The following ZBTB16 variants were observed in gnomAD, a reference collection of about 807,000 sequenced individuals.
The protein encoded by ZBTB16 is zinc finger and BTB domain containing 16.
In ZBTB16, 8 loss-of-function variants were observed where a neutral mutation model predicts 56.8. The ratio of observed to expected loss-of-function variants is 0.14; its 90% confidence interval spans 0.08 to 0.25. The LOEUF (loss-of-function observed/expected upper bound fraction) is 0.25. ZBTB16 is among the 10% of genes least tolerant of loss of function. The pLI is 1.00. For synonymous variants in ZBTB16, 363 were observed against 368.5 expected (o/e 0.98, Z 0.17); for missense variants, 625 against 903.0 (o/e 0.69, Z 3.95).
chr11:114,115,663 G>A (rs1038721097), intron 2 of ZBTB16, among the ~76,000 whole-genome samples: 4 of 152,154 alleles, frequency 2.6e-5, no homozygotes, highest in African/African-American at 9.7e-5. Context: ...TTCTTTCAGA[G>A]CAGCTGAAGA....
chr11:114,063,564 T>C lies in ZBTB16; in HGVS notation c.264T>C (p.Tyr88=), dbSNP rs770736751. Residue 88 remains tyrosine (Y), a synonymous_variant, in exon 2 of 7, where the codon TAT becomes TAC. Transcript: ENST00000335953. This position sits in a 1 kb window ranked among gnomAD's most constrained non-coding sequence, Gnocchi z 6.5. ...KTFQQILEYA[Y]TATLQAKAED... is the part of the protein sequence containing the mutation. ...TCCAGCAGATTCTGGAGTATGCATA[T>C]ACAGCCACGCTGCAAGCCAAGGCGG... 6.2e-7 allele frequency: 1 copy of C among 1,614,218 alleles called. No individual in the cohort carries two copies. Among genetic ancestry groups the C allele is most frequent in the South Asian group, 1.1e-5 (1 of 91,092 alleles).
chr11:114,063,292 G>A lies in ZBTB16; in HGVS notation c.-9G>A, dbSNP rs1366155825. ...AAGAAAGCCTCATGCCTGAGCCGAG[G>A]GGAGCACCATGGATCTGACAAAAAT... On this transcript the variant is annotated 5_prime_UTR_variant, in exon 2 of 7. Coordinates refer to ENST00000335953, the MANE Select transcript of ZBTB16 (RefSeq NM_006006.6). The surrounding 1 kb of genome is among the most constrained non-coding windows in gnomAD (Gnocchi z 6.5). 8.7e-6 allele frequency: 14 copies of A among 1,613,358 alleles called. No individual in the cohort carries two copies. Among genetic ancestry groups the A allele is most frequent in the Non-Finnish European group, 5.9e-6 (7 of 1,179,974 alleles).
At chr11:114,132,145 T>C (rs1941678649) in intron 2 of ZBTB16, among the ~76,000 whole-genome samples, 1 of 152,138 alleles carries the variant, frequency 6.6e-6, no homozygotes, top group South Asian at 2.1e-4. Flanking sequence ...TGTTAACCTA[T>C]ACCTATTAGG....
chr11:114,125,476 T>A (rs1373984134), intron 2 of ZBTB16, among the ~76,000 whole-genome samples: 1 of 152,096 alleles, frequency 6.6e-6, no homozygotes, highest in Non-Finnish European at 1.5e-5. Context: ...GTGCCCAAGG[T>A]TATCTAACTA....
chr11:114,145,945 C>T (rs1296127677), intron 2 of ZBTB16, among the ~76,000 whole-genome samples: 1 of 152,086 alleles, frequency 6.6e-6, no homozygotes, highest in Non-Finnish European at 1.5e-5. Context: ...TAATAAAAAG[C>T]TAATATATAA....
At chr11:114,215,434 T>C (rs1258387294) in intron 4 of ZBTB16, among the ~76,000 whole-genome samples, 1 of 152,194 alleles carries the variant, frequency 6.6e-6, no homozygotes, top group Non-Finnish European at 1.5e-5. Flanking sequence ...TCACATCTCA[T>C]TGGCTCTTTC....
In ZBTB16 at chr11:114,130,171, G is replaced by C. The variant is rs78861736; in HGVS notation, c.1269-26166G>C. Among the ~76,000 whole-genome samples, 85 of 152,272 alleles carry C rather than the reference G, an allele frequency of 5.6e-4. No individual in the cohort carries two copies. The East Asian group carries it at 0.015, about 26-fold the overall frequency. On this transcript the variant is annotated intron_variant, in intron 2 of 6. Coordinates refer to ENST00000335953, the MANE Select transcript of ZBTB16 (RefSeq NM_006006.6). ...TTTGAAGGCACACTCTCTTTCTGGGGGTAAACAGCAAATGTCCCAAGGGTG... is the reference window on the plus strand; with the variant it reads ...TTTGAAGGCACACTCTCTTTCTGGGCGTAAACAGCAAATGTCCCAAGGGTG...
intron 2 of ZBTB16, among the ~76,000 whole-genome samples, chr11:114,117,602 G>A (rs557407244): frequency 2.2e-4 from 34 of 152,122 alleles, no homozygotes; most frequent in Non-Finnish European, 4.6e-4. Context: ...CTGGTGGATG[G>A]TGGGAATAGA....
At chr11:114,215,922 C>A (rs1415986309) in intron 4 of ZBTB16, among the ~76,000 whole-genome samples, 2 of 152,162 alleles carry the variant, frequency 1.3e-5, no homozygotes, top group Non-Finnish European at 2.9e-5. Flanking sequence ...CAGGCCAGTA[C>A]AGCACTCAGG....
intron 4 of ZBTB16, chr11:114,209,260 G>C (rs1441325782): frequency 4.1e-6 from 2 of 483,910 alleles, no homozygotes; most frequent in Non-Finnish European, 5.4e-6. Context: ...CTTATTTTGT[G>C]TGCTGGAGAA....
intron 4 of ZBTB16, among the ~76,000 whole-genome samples, chr11:114,198,834 A>G (rs1444306654): frequency 6.6e-6 from 1 of 152,222 alleles, no homozygotes; most frequent in Non-Finnish European, 1.5e-5. Context: ...ACATGTAAGG[A>G]CACGCATTCA....
intron 4 of ZBTB16, among the ~76,000 whole-genome samples, chr11:114,241,325 C>T (rs574204703): frequency 5.9e-5 from 9 of 152,092 alleles, no homozygotes; most frequent in African/African-American, 2.2e-4. Flanking sequence ...CTGCCACTTA[C>T]GAACTCTATG....
At chr11:114,068,847 G>A (rs1939223092) in intron 2 of ZBTB16, among the ~76,000 whole-genome samples, 1 of 152,200 alleles carries the variant, frequency 6.6e-6, no homozygotes. Flanking sequence ...ATCATTCTCA[G>A]AGTTACGTAC....
In ZBTB16 at chr11:114,250,680, G is replaced by C. The variant is rs950678394; in HGVS notation, c.*125G>C. ...AAAAAACAGAAGGAAAAGGAAACCTGGTAGCTTTTTGGCCTTGGATTCTCT... is the reference window on the plus strand; with the variant it reads ...AAAAAACAGAAGGAAAAGGAAACCTCGTAGCTTTTTGGCCTTGGATTCTCT... On this transcript the variant is annotated 3_prime_UTR_variant, in exon 7 of 7. Transcript: ENST00000335953. The surrounding 1 kb of genome is among the most constrained non-coding windows in gnomAD (Gnocchi z 6.0). The C allele has an allele frequency of 4.3e-6, 5 of 1,162,292 alleles. No individual in the cohort carries two copies. The Admixed American group carries it at 7.1e-5, about 16-fold the overall frequency. The allele number at this position is 1,162,292 out of a possible 1,614,324, so 72.0% of individuals were successfully genotyped here. A position where few individuals can be genotyped will look rare whatever the true frequency, so the allele number is the denominator to read the frequency against.
chr11:114,192,990 C>T (rs914992089), intron 4 of ZBTB16, among the ~76,000 whole-genome samples: 5 of 152,326 alleles, frequency 3.3e-5, no homozygotes, highest in African/African-American at 1.2e-4. Flanking sequence ...AGGCGGACCC[C>T]AGACATATGG....
At chr11:114,227,868 T>C (rs1241867369) in intron 4 of ZBTB16, among the ~76,000 whole-genome samples, 1 of 152,262 alleles carries the variant, frequency 6.6e-6, no homozygotes, top group Non-Finnish European at 1.5e-5. Context: ...TTATATGTAA[T>C]GCAAAATTTG....
chr11:114,251,463 C>T lies in ZBTB16; in HGVS notation c.*908C>T, dbSNP rs1944915718. On this transcript the variant is annotated 3_prime_UTR_variant, in exon 7 of 7. Transcript: ENST00000335953. The stretch of plus-strand genomic sequence containing the variant: ...CACAACTAAATACCTAATATCCTAC[C>T]AAACAAACCACAGTCCCTACGTAGC... Among the ~76,000 whole-genome samples, 1 of 152,202 alleles carries T rather than the reference C, an allele frequency of 6.6e-6. No homozygotes were observed. Among genetic ancestry groups the T allele is most frequent in the African/African-American group, 2.4e-5 (1 of 41,448 alleles).
intron 2 of ZBTB16, among the ~76,000 whole-genome samples, chr11:114,148,393 TTCCCTCCCTCCC>T (rs869187426): frequency 2.6e-4 from 7 of 27,418 alleles, no homozygotes; most frequent in African/African-American, 8.4e-4. Flanking sequence ...TCCTTCCTCC[TTCCCTCCCTCCC>T]TCCCTCCCTC....
intron 3 of ZBTB16, among the ~76,000 whole-genome samples, chr11:114,177,363 G>T (rs1943142909): frequency 6.6e-6 from 1 of 152,146 alleles, no homozygotes. Context: ...CGATTCTCCT[G>T]CCCCAGGCTC....
Sources: allele counts gnomAD v4.1 joint callset (sites outside exome capture counted in the v4.1 genomes callset), GRCh38; gene constraint gnomAD v4.1.1; non-coding constraint Gnocchi (gnomAD v3.1); transcripts MANE v1.5; gene names NCBI Gene and HGNC (gene_info 2026-07-23, HGNC 2026-07-21).